NPAS2: variants seen among roughly 807,000 people sequenced by gnomAD.
NPAS2 encodes the protein neuronal PAS domain-containing protein 2.
NPAS2 carries 23 observed loss-of-function variants against 107.5 expected under a neutral mutation model. That is an observed-to-expected ratio of 0.21 (90% CI 0.15 to 0.30). The LOEUF (loss-of-function observed/expected upper bound fraction) is 0.30. Among genes scored for constraint, NPAS2 ranks in the 10% least tolerant of loss-of-function variants. NPAS2 has a pLI of 1.00. For synonymous variants in NPAS2, 403 were observed against 417.5 expected, an observed-to-expected ratio of 0.97 and a Z score of 0.42; for missense variants, 756 against 1,043.3, an observed-to-expected ratio of 0.72 and a Z score of 3.79.
intron 7 of NPAS2, among the ~76,000 whole-genome samples, chr2:100,959,965 C>T (rs918494693): frequency 5.3e-5 from 8 of 152,172 alleles, no homozygotes; most frequent in African/African-American, 1.9e-4. Context: ...TTCCTTGCTC[C>T]TTCCTGAGCC....
intron 11 of NPAS2, among the ~76,000 whole-genome samples, chr2:100,969,828 G>GTGCA (rs1360846294): frequency 1.1e-4 from 17 of 152,134 alleles, no homozygotes; most frequent in Non-Finnish European, 1.5e-5. Context: ...AGGTGTAAGT[G>GTGCA]TGCACCTAAA....
At position 100,820,254 on chromosome 2, in the gene NPAS2, C is replaced by T; in HGVS notation, c.-183C>T. The T allele has an allele frequency of 6.7e-6, 1 of 148,614 alleles. No individual in the cohort carries two copies. Among genetic ancestry groups the T allele is most frequent in the East Asian group, 2.0e-4 (1 of 4,932 alleles). The allele number at this position is 148,614 out of a possible 1,614,324, so 9.2% of individuals were successfully genotyped here. On this transcript the variant is annotated 5_prime_UTR_variant, in exon 1 of 21. Transcript: ENST00000335681. This position sits in a 1 kb window ranked among gnomAD's most constrained non-coding sequence, Gnocchi z 5.6. ...GCCCGGAGACCCGCAGCCGCGGCGGCGGCGGCGGCGGCGGCAGCAGCTAGA... is the reference window on the plus strand; with the variant it reads ...GCCCGGAGACCCGCAGCCGCGGCGGTGGCGGCGGCGGCGGCAGCAGCTAGA...
At chr2:100,881,202 T>A (rs551624958) in intron 1 of NPAS2, among the ~76,000 whole-genome samples, 1 of 152,272 alleles carries the variant, frequency 6.6e-6, no homozygotes, top group Non-Finnish European at 1.5e-5. Context: ...CCAACAGGGA[T>A]TTCTGTTTTA....
chr2:100,936,381 T>C (rs1684300458), intron 4 of NPAS2, among the ~76,000 whole-genome samples: 1 of 152,184 alleles, frequency 6.6e-6, no homozygotes, highest in South Asian at 2.1e-4. Context: ...TCACTTTTTT[T>C]CCTAAGCAGA....
intron 2 of NPAS2, among the ~76,000 whole-genome samples, chr2:100,911,498 C>T (rs1012152794): frequency 6.6e-6 from 1 of 152,194 alleles, no homozygotes; most frequent in Non-Finnish European, 1.5e-5. Flanking sequence ...AATCATGGCT[C>T]ACTGCAACCT....
intron 2 of NPAS2, among the ~76,000 whole-genome samples, chr2:100,915,324 G>A (rs1025765563): frequency 1.3e-5 from 2 of 152,168 alleles, no homozygotes; most frequent in African/African-American, 4.8e-5. Flanking sequence ...TAGGTAGTAT[G>A]AGGAAGGGCA....
intron 1 of NPAS2, among the ~76,000 whole-genome samples, chr2:100,833,999 C>T (rs1676900197): frequency 6.6e-6 from 1 of 152,140 alleles, no homozygotes; most frequent in Non-Finnish European, 1.5e-5. Context: ...AAGGAAAGGA[C>T]CCTAGTGATC....
At chr2:100,852,639 T>C (rs998141608) in intron 1 of NPAS2, among the ~76,000 whole-genome samples, 1 of 152,086 alleles carries the variant, frequency 6.6e-6, no homozygotes, top group Non-Finnish European at 1.5e-5. Flanking sequence ...TGAGACCACT[T>C]GTGATGGAGC....
chr2:100,857,276 C>T (rs1029161772), intron 1 of NPAS2, among the ~76,000 whole-genome samples: 6 of 136,954 alleles, frequency 4.4e-5, no homozygotes, highest in East Asian at 2.1e-4. Context: ...CCAGCCTGGG[C>T]GACAAGAGTG....
intron 5 of NPAS2, among the ~76,000 whole-genome samples, chr2:100,945,646 G>C (rs10181743): frequency 0.65 from 98,290 of 152,032 alleles, 32,325 homozygotes; most frequent in African/African-American, 0.77. Flanking sequence ...AACCTCCTCT[G>C]TCATGGCTTC....
chr2:100,827,210 C>T (rs958915736), intron 1 of NPAS2, among the ~76,000 whole-genome samples: 3 of 152,120 alleles, frequency 2.0e-5, no homozygotes, highest in African/African-American at 7.2e-5. Flanking sequence ...CTTTCTCAAT[C>T]CAGTCAGATG....
intron 1 of NPAS2, among the ~76,000 whole-genome samples, chr2:100,834,915 A>G (rs1274905968): frequency 6.6e-6 from 1 of 152,116 alleles, no homozygotes; most frequent in Non-Finnish European, 1.5e-5. Flanking sequence ...GGGTTTCACC[A>G]TGTTGGCCAG....
intron 1 of NPAS2, among the ~76,000 whole-genome samples, chr2:100,895,806 G>A (rs539428075): frequency 9.9e-5 from 15 of 152,200 alleles, no homozygotes; most frequent in Non-Finnish European, 1.5e-4. Context: ...CCCTGCCTGC[G>A]GGTGCCTCTT....
chr2:100,839,035 CT>C (rs1158339411), intron 1 of NPAS2, among the ~76,000 whole-genome samples: 1 of 152,140 alleles, frequency 6.6e-6, no homozygotes, highest in Non-Finnish European at 1.5e-5. Context: ...TCTCCCACCC[CT>C]GAGACAGCAA....
chr2:100,877,547 A>G (rs1172216765), intron 1 of NPAS2, among the ~76,000 whole-genome samples: 3 of 151,814 alleles, frequency 2.0e-5, no homozygotes, highest in Non-Finnish European at 4.4e-5. Flanking sequence ...CCATGCAAGC[A>G]TTGGCCAAGC....
At chr2:100,993,254 A>G (rs2105330021) in intron 19 of NPAS2, 93 bp from the exon 20 acceptor site, 2 of 1,293,374 alleles carry the variant, frequency 1.5e-6, no homozygotes, top group Non-Finnish European at 2.1e-6. Flanking sequence ...ATGAAGTCCA[A>G]CTTATTTGTT....
rs774950832 is a variant in NPAS2 at position 100,968,658 on chromosome 2, CTCAG to C, written c.1055+235_1055+238del. 6.6e-6 allele frequency among the ~76,000 whole-genome samples: 1 copy of C among 152,196 alleles called. No homozygotes were observed. Among genetic ancestry groups the C allele is most frequent in the Non-Finnish European group, 1.5e-5 (1 of 68,034 alleles). ...CCAGGGCTGAGACTCCTTTCAAGCT[CTCAG>C]TCAGGCCCCTTTGAACGCCTCATGG... On this transcript the variant is annotated intron_variant, in intron 11 of 20. Coordinates refer to ENST00000335681, the MANE Select transcript of NPAS2 (RefSeq NM_002518.4). The surrounding 1 kb of genome is among the most constrained non-coding windows in gnomAD (Gnocchi z 5.3).
At chr2:100,895,209 G>A (rs897301052) in intron 1 of NPAS2, among the ~76,000 whole-genome samples, 2 of 152,196 alleles carry the variant, frequency 1.3e-5, no homozygotes, top group African/African-American at 4.8e-5. Context: ...TCTACTGTGA[G>A]CCCTTTAATT....
chr2:100,978,742 C>T (rs1026915329), intron 15 of NPAS2, among the ~76,000 whole-genome samples: 1 of 152,272 alleles, frequency 6.6e-6, no homozygotes, highest in East Asian at 1.9e-4. Context: ...GCAGGGCATG[C>T]GTTTTTATAG....
Sources: allele counts gnomAD v4.1 joint callset (sites outside exome capture counted in the v4.1 genomes callset), GRCh38; gene constraint gnomAD v4.1.1; non-coding constraint Gnocchi (gnomAD v3.1); transcripts MANE v1.5; gene names NCBI Gene and HGNC (gene_info 2026-07-23, HGNC 2026-07-21).